The following GALNTL6 variants were observed in gnomAD, a reference collection of about 807,000 sequenced individuals.
GALNTL6 encodes the protein polypeptide N-acetylgalactosaminyltransferase like 6.
Under a neutral mutation model 73.7 loss-of-function variants are expected in GALNTL6, and 46 were observed. The observed-to-expected ratio is 0.62, with a 90% CI of 0.49 to 0.80. GALNTL6 has a LOEUF of 0.80. Among genes scored for constraint, GALNTL6 ranks in the 30% least tolerant of loss-of-function variants. The probability of loss-of-function intolerance (pLI) is 0.00; values close to 1 mark genes in which losing one functional copy is unlikely to be tolerated. For synonymous variants in GALNTL6, 259 were observed against 263.7 expected (o/e 0.98, Z 0.17); for missense variants, 604 against 755.0 (o/e 0.80, Z 2.34).
intron 8 of GALNTL6, among the ~76,000 whole-genome samples, chr4:172,927,619 C>T (rs1371379194): frequency 6.6e-6 from 1 of 151,994 alleles, no homozygotes; most frequent in Admixed American, 6.6e-5. Context: ...GGGCTGGAAT[C>T]ACGTAGAGGC....
intron 2 of GALNTL6, among the ~76,000 whole-genome samples, chr4:172,040,422 T>G (rs1416025353): frequency 6.6e-6 from 1 of 152,086 alleles, no homozygotes; most frequent in African/African-American, 2.4e-5. Context: ...TGCTTCCTTT[T>G]TCCTAAGACT....
intron 10 of GALNTL6, among the ~76,000 whole-genome samples, chr4:173,003,889 A>G (rs533149601): frequency 2.8e-4 from 42 of 152,298 alleles, no homozygotes; most frequent in African/African-American, 9.6e-4. Context: ...CTCACTTAGC[A>G]TTTAGTCTCT....
At chr4:172,639,956 G>A (rs1739893189) in intron 5 of GALNTL6, among the ~76,000 whole-genome samples, 1 of 151,690 alleles carries the variant, frequency 6.6e-6, no homozygotes, top group Admixed American at 6.6e-5. Flanking sequence ...TATTATTCCT[G>A]TCTTTTTTAA....
At chr4:172,347,436 G>A (rs552689616) in intron 4 of GALNTL6, among the ~76,000 whole-genome samples, 1 of 152,306 alleles carries the variant, frequency 6.6e-6, no homozygotes, top group East Asian at 1.9e-4. Flanking sequence ...ACTGTGAAGT[G>A]TAATGGTTCT....
At chr4:171,914,219 A>C (rs953278059) in intron 2 of GALNTL6, among the ~76,000 whole-genome samples, 51 of 152,238 alleles carry the variant, frequency 3.4e-4, no homozygotes, top group Non-Finnish European at 2.2e-4. Context: ...TTGTTTGCCC[A>C]GGAAAGTTCC....
At chr4:171,975,784 G>A (rs179640) in intron 2 of GALNTL6, among the ~76,000 whole-genome samples, 149,250 of 152,322 alleles carry the variant, frequency 0.98, 73,197 homozygotes, top group Middle Eastern at 1. Flanking sequence ...GACTATAACT[G>A]TTAGTAACTA....
chr4:171,893,634 G>C (rs2110930741), intron 2 of GALNTL6, among the ~76,000 whole-genome samples: 1 of 152,142 alleles, frequency 6.6e-6, no homozygotes, highest in East Asian at 1.9e-4. Context: ...ACAGCTAGTT[G>C]GGATCCCCTT....
At chr4:172,609,038 CAG>C (rs1480009971) in intron 5 of GALNTL6, among the ~76,000 whole-genome samples, 2 of 152,072 alleles carry the variant, frequency 1.3e-5, no homozygotes, top group Non-Finnish European at 2.9e-5. Flanking sequence ...AGCTTTTGTG[CAG>C]AGACTCTGGA....
At chr4:172,938,732 T>C (rs1392070122) in intron 9 of GALNTL6, among the ~76,000 whole-genome samples, 1 of 152,210 alleles carries the variant, frequency 6.6e-6, no homozygotes, top group African/African-American at 2.4e-5. Context: ...TCAGATGCTC[T>C]ATTTGAAACC....
At chr4:172,248,639 T>C (rs1199290502) in intron 3 of GALNTL6, among the ~76,000 whole-genome samples, 1 of 152,138 alleles carries the variant, frequency 6.6e-6, no homozygotes, top group Non-Finnish European at 1.5e-5. Flanking sequence ...TCATCTTGAA[T>C]TGTAGTTCCC....
intron 2 of GALNTL6, among the ~76,000 whole-genome samples, chr4:172,165,682 T>C (rs954831459): frequency 2.8e-4 from 42 of 152,200 alleles, no homozygotes; most frequent in African/African-American, 9.2e-4. Flanking sequence ...GTGATACTAA[T>C]GTATAAAAGA....
intron 8 of GALNTL6, among the ~76,000 whole-genome samples, chr4:172,894,412 C>A (rs185148213): frequency 3.0e-4 from 45 of 152,182 alleles, no homozygotes; most frequent in African/African-American, 1.0e-3. Context: ...AATTTTGTTT[C>A]AAGAAATACT....
chr4:172,790,471 T>G (rs996370060), intron 5 of GALNTL6, among the ~76,000 whole-genome samples: 14 of 152,192 alleles, frequency 9.2e-5, no homozygotes, highest in African/African-American at 3.4e-4. Flanking sequence ...CTGCCACCTG[T>G]GAGCCAGAAA....
chr4:172,230,492 CAGG>C (rs980935517), intron 3 of GALNTL6, among the ~76,000 whole-genome samples: 1 of 129,658 alleles, frequency 7.7e-6, no homozygotes, highest in African/African-American at 2.8e-5. Context: ...GAGGCTGAGG[CAGG>C]AGAATGGCCC....
At chr4:172,764,173 G>A (rs1738271243) in intron 5 of GALNTL6, among the ~76,000 whole-genome samples, 1 of 152,290 alleles carries the variant, frequency 6.6e-6, no homozygotes, top group African/African-American at 2.4e-5. Context: ...GGTGAGGCTG[G>A]TCTCAAACTC....
intron 5 of GALNTL6, among the ~76,000 whole-genome samples, chr4:172,461,136 A>G (rs1265212391): frequency 6.6e-6 from 1 of 151,764 alleles, no homozygotes; most frequent in Non-Finnish European, 1.5e-5. Flanking sequence ...CAAACACCAC[A>G]TGTTATCACT....
At chr4:173,003,454 C>A (rs556716378) in intron 10 of GALNTL6, among the ~76,000 whole-genome samples, 89 of 152,266 alleles carry the variant, frequency 5.8e-4, no homozygotes, top group African/African-American at 2.0e-3. Context: ...TCCCATGATA[C>A]AATAGAAATG....
chr4:172,666,288 C>T (rs1051763898), intron 5 of GALNTL6, among the ~76,000 whole-genome samples: 2 of 152,130 alleles, frequency 1.3e-5, no homozygotes, highest in African/African-American at 4.8e-5. Flanking sequence ...ATATAACTTT[C>T]CTTTGCATTC....
At chr4:171,892,807 C>T in intron 2 of GALNTL6, among the ~76,000 whole-genome samples, 1 of 152,168 alleles carries the variant, frequency 6.6e-6, no homozygotes. Flanking sequence ...AGTGATGCTA[C>T]AACCTCGGCC....
Sources: gnomAD v4.1 joint callset for allele counts (sites outside exome capture counted in the v4.1 genomes callset) on GRCh38, gnomAD v4.1.1 for gene constraint, MANE v1.5 for transcripts, NCBI Gene and HGNC (gene_info 2026-07-23, HGNC 2026-07-21) for gene names.